The following DYTN variants were observed in gnomAD, a reference collection of about 807,000 sequenced individuals.
The protein encoded by DYTN is dystrotelin.
DYTN carries 75 observed loss-of-function variants against 69.6 expected under a neutral mutation model. The ratio of observed to expected loss-of-function variants is 1.08; its 90% CI spans 0.89 to 1.31. DYTN has a LOEUF of 1.31. Ranked by LOEUF, DYTN falls within the 50% of genes most tolerant of loss-of-function variation. The probability of loss-of-function intolerance (pLI) is 0.00; values close to 1 mark genes in which losing one functional copy is unlikely to be tolerated. For missense variants in DYTN, 726 were observed against 688.4 expected, an observed-to-expected ratio of 1.05 and a Z score of -0.61; for synonymous variants, 252 against 249.1, an observed-to-expected ratio of 1.01 and a Z score of -0.11.
chr2:206,700,127 C>A lies in DYTN; in HGVS notation c.555+18G>T. On this transcript the variant is annotated intron_variant, in intron 6 of 11. Coordinates refer to ENST00000452335, the MANE Select transcript of DYTN (RefSeq NM_001093730.1). ...CCGTGTCTGTCCCCAACTCCAGGGACATTTGCAAGGCACTCACCCCTTGGA... is the reference window on the plus strand; with the variant it reads ...CCGTGTCTGTCCCCAACTCCAGGGAAATTTGCAAGGCACTCACCCCTTGGA... The A allele has an allele frequency of 6.2e-7, 1 of 1,613,790 alleles. No homozygotes were observed. The highest frequency in any genetic ancestry group is 8.5e-7 in the Non-Finnish European group (1 of 1,179,714).
chr2:206,663,822 G>T (rs1184722977), intron 10 of DYTN, among the ~76,000 whole-genome samples: 3 of 152,216 alleles, frequency 2.0e-5, no homozygotes, highest in South Asian at 4.1e-4. Flanking sequence ...CCAGGGATGT[G>T]CTCCGCTTGA....
chr2:206,680,529 T>C lies in DYTN; in HGVS notation c.980+12646A>G, dbSNP rs557786736. On this transcript the variant is annotated intron_variant, in intron 9 of 11. Transcript: ENST00000452335. ...TTCTGCTACTTGCTTTTTTCTCTGA[T>C]GCATGATGGTGAATTCCTTCCAGTA... is the stretch of plus-strand genomic sequence containing the variant. 4.0e-4 allele frequency among the ~76,000 whole-genome samples: 61 copies of C among 152,210 alleles called. 1 individual carries two copies. The highest frequency in any genetic ancestry group is 7.9e-4 in the Non-Finnish European group (54 of 68,022).
Position 206,718,273 on chromosome 2 carries a change from G to A in DYTN, c.7C>T (p.Pro3Ser). The change falls in exon 1 of 12, where the codon CCA becomes TCA. Residue 3 changes from proline (P) to serine (S), a missense_variant. Pro to Ser is a moderately conservative substitution (Grantham distance 74). Coordinates refer to ENST00000452335, the MANE Select transcript of DYTN (RefSeq NM_001093730.1). ...CAATAATACTCACCTTGTTTATCTG[G>A]ATCCATTTCACAAATTTCCTGGAAT... MD[P>S]DKQDALNSIE... The A allele has an allele frequency of 6.3e-7, 1 of 1,599,308 alleles. No individual in the cohort carries two copies. The highest frequency in any genetic ancestry group is 8.5e-7 in the Non-Finnish European group (1 of 1,172,846).
At chr2:206,678,820 T>C (rs1574593135) in intron 9 of DYTN, among the ~76,000 whole-genome samples, 1 of 152,346 alleles carries the variant, frequency 6.6e-6, no homozygotes, top group South Asian at 2.1e-4. Context: ...TTTTTGAAAC[T>C]TTCTATAATA....
At chr2:206,690,346 A>C (rs1484718097) in intron 9 of DYTN, among the ~76,000 whole-genome samples, 1 of 152,150 alleles carries the variant, frequency 6.6e-6, no homozygotes, top group African/African-American at 2.4e-5. Context: ...GAGGACCAAG[A>C]GCTGGTGGGG....
intron 3 of DYTN, 148 bp from the exon 4 acceptor site, chr2:206,706,021 A>G (rs1284429737): frequency 1.4e-6 from 1 of 710,588 alleles, no homozygotes; most frequent in Non-Finnish European, 2.4e-6. Flanking sequence ...CTATACCTAG[A>G]ATTTAGCAGA....
At chr2:206,710,288 A>T (rs1700067876) in intron 2 of DYTN, among the ~76,000 whole-genome samples, 1 of 152,242 alleles carries the variant, frequency 6.6e-6, no homozygotes, top group Non-Finnish European at 1.5e-5. Flanking sequence ...TAAAAAATTA[A>T]AAATCCTCAT....
chr2:206,653,387 TAAATG>T (rs1393304970), intron 11 of DYTN, among the ~76,000 whole-genome samples: 1 of 152,170 alleles, frequency 6.6e-6, no homozygotes, highest in Non-Finnish European at 1.5e-5. Context: ...TGGAACTAAA[TAAATG>T]TAAGGACTGA....
chr2:206,700,759 C>T (rs1354933424), intron 5 of DYTN, among the ~76,000 whole-genome samples: 1 of 152,098 alleles, frequency 6.6e-6, no homozygotes, highest in Non-Finnish European at 1.5e-5. Context: ...CTCTCCCTTC[C>T]CTTTACCCCA....
intron 2 of DYTN, among the ~76,000 whole-genome samples, chr2:206,709,768 T>A (rs1700062662): frequency 6.6e-6 from 1 of 152,172 alleles, no homozygotes; most frequent in African/African-American, 2.4e-5. Flanking sequence ...TCAGAAATCA[T>A]TTTACGTGAA....
chr2:206,668,016 G>A (rs555722952), intron 9 of DYTN, among the ~76,000 whole-genome samples: 59 of 152,270 alleles, frequency 3.9e-4, no homozygotes, highest in African/African-American at 1.3e-3. Flanking sequence ...TCACACACAG[G>A]TGAAACAGGA....
At chr2:206,694,602 G>A (rs566620644) in intron 8 of DYTN, among the ~76,000 whole-genome samples, 164 bp downstream of exon 8, 2 of 152,126 alleles carry the variant, frequency 1.3e-5, no homozygotes, top group Admixed American at 6.6e-5. Flanking sequence ...TCATACTTAC[G>A]TTGGGAGATA....
chr2:206,698,849 C>T (rs1328690901), intron 7 of DYTN, among the ~76,000 whole-genome samples: 2 of 152,232 alleles, frequency 1.3e-5, no homozygotes, highest in Non-Finnish European at 2.9e-5. Context: ...CTCTGTGAGT[C>T]TGTGCCTTGT....
chr2:206,666,968 C>A (rs1308944990), intron 9 of DYTN, among the ~76,000 whole-genome samples: 1 of 151,908 alleles, frequency 6.6e-6, no homozygotes, highest in Non-Finnish European at 1.5e-5. Context: ...TCACTTGAGC[C>A]CAGGAGTTAG....
chr2:206,695,086 T>C (rs904710749), intron 7 of DYTN, among the ~76,000 whole-genome samples: 16 of 152,178 alleles, frequency 1.1e-4, no homozygotes. Flanking sequence ...GATAGTATTT[T>C]CAAATGGCAT....
rs1205322461 is a variant in DYTN at position 206,693,251 on chromosome 2, T to C, written c.904A>G (p.Lys302Glu). 3 of 1,613,676 alleles carry C rather than the reference T, an allele frequency of 1.9e-6. No individual in the cohort carries two copies. In the South Asian group the frequency reaches 3.3e-5, roughly 18 times the overall value. ...RNNLLQGRCR[K>E]KEAARRQQLL... ...TGCTGCCTTCTCGCTGCTTCTTTCT[T>C]CCTACAGCGCCCCTGAAGAAGGTTG... is the stretch of plus-strand genomic sequence containing the variant. Residue 302 changes from lysine (K) to glutamate (E), a missense_variant, in exon 9 of 12, where the codon AAG becomes GAG. Transcript: ENST00000452335.
intron 9 of DYTN, among the ~76,000 whole-genome samples, chr2:206,683,921 C>T (rs994753363): frequency 6.6e-6 from 1 of 151,900 alleles, no homozygotes; most frequent in Non-Finnish European, 1.5e-5. Context: ...AATTTGCTGC[C>T]ATCTCTCCAA....
chr2:206,686,653 A>T (rs1237600266), intron 9 of DYTN: 1 of 152,222 alleles, frequency 6.6e-6, no homozygotes, highest in Non-Finnish European at 1.5e-5. Context: ...GACCATGTAT[A>T]TAGGGACAGA....
intron 9 of DYTN, among the ~76,000 whole-genome samples, chr2:206,672,227 T>C (rs1452284693): frequency 1.3e-5 from 2 of 150,446 alleles, no homozygotes; most frequent in Non-Finnish European, 2.9e-5. Flanking sequence ...CTTATTTCTA[T>C]GAAGTGCATT....
Sources: allele counts gnomAD v4.1 joint callset (sites outside exome capture counted in the v4.1 genomes callset), GRCh38; gene constraint gnomAD v4.1.1; transcripts MANE v1.5; gene names NCBI Gene and HGNC (gene_info 2026-07-23, HGNC 2026-07-21).